Variants in PUDP observed in about 807,000 individuals in gnomAD.
PUDP encodes pseudouridine-5'-phosphatase.
A neutral mutation model predicts 9.4 loss-of-function variants in PUDP; 8 were observed. That is an observed-to-expected ratio of 0.85 (90% CI 0.50 to 1.53). PUDP has a LOEUF of 1.53. Among genes scored for constraint, PUDP ranks in the 40% most tolerant of loss-of-function variants. The pLI is 0.00. For synonymous variants in PUDP, 99 were observed against 80.7 expected (o/e 1.23, Z -1.22); for missense variants, 188 against 189.7 (o/e 0.99, Z 0.05).
chrX:6,896,237 C>T (rs1234357330), intron 3 of PUDP, among the ~76,000 whole-genome samples: 3 of 111,112 alleles, frequency 2.7e-5, no homozygotes, highest in Admixed American at 9.6e-5. Context: ...GAGTTGTTGT[C>T]GTTGATCTGC....
intron 3 of PUDP, among the ~76,000 whole-genome samples, chrX:6,959,505 T>C (rs745386524): frequency 4.4e-5 from 5 of 112,549 alleles, no homozygotes; most frequent in African/African-American, 6.4e-5. Context: ...TGTGCAGGCA[T>C]GGCTTCCGCC....
chrX:7,032,302 T>C (rs1325401382), intron 1 of PUDP, among the ~76,000 whole-genome samples: 8 of 112,021 alleles, frequency 7.1e-5, no homozygotes, highest in Admixed American at 9.5e-5. Context: ...GGTGAGAATA[T>C]AAAATGGCGC....
intron 1 of PUDP, among the ~76,000 whole-genome samples, chrX:7,017,297 C>T (rs1181715883): frequency 8.9e-6 from 1 of 111,883 alleles, no homozygotes; most frequent in African/African-American, 3.3e-5. Flanking sequence ...GGTGAGGGAA[C>T]CAGTGAATAA....
chrX:7,095,346 C>G (rs1365380620), intron 2 of PUDP, among the ~76,000 whole-genome samples: 2 of 112,351 alleles, frequency 1.8e-5, no homozygotes, highest in African/African-American at 6.5e-5. Context: ...CTGACACATA[C>G]CCCCACGAGT....
intron 3 of PUDP, among the ~76,000 whole-genome samples, chrX:6,790,001 T>C (rs887412894): frequency 1.8e-5 from 2 of 108,867 alleles, no homozygotes; most frequent in African/African-American, 6.7e-5. Flanking sequence ...AGTAGATAGA[T>C]CATAGAGATA....
intron 3 of PUDP, among the ~76,000 whole-genome samples, chrX:6,785,221 T>A (rs1192780686): frequency 8.9e-6 from 1 of 112,679 alleles, no homozygotes. Context: ...TGGCTTATAG[T>A]CACCACCAGC....
At chrX:7,119,533 T>C (rs1188377800) in intron 1 of PUDP, among the ~76,000 whole-genome samples, 1 of 112,568 alleles carries the variant, frequency 8.9e-6, no homozygotes. Flanking sequence ...ATTTAAGTAT[T>C]TGATATATCG....
chrX:6,797,780 A>T (rs1446646195), intron 3 of PUDP, among the ~76,000 whole-genome samples: 3 of 111,706 alleles, frequency 2.7e-5, no homozygotes, highest in Admixed American at 9.5e-5. Flanking sequence ...GAGAAAAGAA[A>T]TGTATGTTGT....
chrX:6,959,839 T>C (rs988906905), intron 3 of PUDP, among the ~76,000 whole-genome samples: 1 of 112,817 alleles, frequency 8.9e-6, no homozygotes, highest in African/African-American at 3.2e-5. Flanking sequence ...CAAGAAATAC[T>C]ATTCTGGAGC....
intron 1 of PUDP, among the ~76,000 whole-genome samples, chrX:7,117,330 G>A (rs1001316685): frequency 6.2e-5 from 7 of 112,138 alleles, no homozygotes. Flanking sequence ...GTGAAGTCCA[G>A]GCCAACAAGG....
intron 3 of PUDP, among the ~76,000 whole-genome samples, chrX:6,912,647 C>T (rs776958118): frequency 1.6e-4 from 18 of 112,061 alleles, no homozygotes; most frequent in Admixed American, 1.5e-3. Context: ...TAGTTTTGTC[C>T]TGTTCATTTT....
intron 3 of PUDP, among the ~76,000 whole-genome samples, chrX:6,887,959 C>A (rs1927454353): frequency 9.0e-6 from 1 of 111,525 alleles, no homozygotes. Flanking sequence ...AGAGACAGGG[C>A]AGACAGTCTC....
intron 1 of PUDP, among the ~76,000 whole-genome samples, chrX:6,713,996 G>A (rs149934315): frequency 0.011 from 1,225 of 110,839 alleles, 8 homozygotes; most frequent in Non-Finnish European, 0.015. Flanking sequence ...GTGCTCAAGC[G>A]ATCCTCTCAC....
At chrX:6,977,633 G>C in intron 2 of PUDP, among the ~76,000 whole-genome samples, 1 of 112,011 alleles carries the variant, frequency 8.9e-6, no homozygotes, top group Non-Finnish European at 1.9e-5. Flanking sequence ...GAGCATCCCA[G>C]GAGTCCCACC....
In PUDP at chrX:7,050,545, C is replaced by T. The variant is rs760095547; in HGVS notation, c.511-73G>A. ...ATGTGGATGAAGTGTTTATTATCGT[C>T]GTCACCATTGGCTCTGCAACTGTGC... On this transcript the variant is annotated intron_variant, in intron 3 of 3. Coordinates refer to ENST00000381077, the MANE Select transcript of PUDP (RefSeq NM_012080.5). 13 of 948,125 alleles carry T rather than the reference C, an allele frequency of 1.4e-5. No homozygotes were observed. The African/African-American group carries it at 2.3e-4, about 17-fold the overall frequency. The allele number at this position is 948,125 out of a possible 1,213,427, so 78.1% of individuals were successfully genotyped here. A position where few individuals can be genotyped will look rare whatever the true frequency, so the allele number is the denominator to read the frequency against.
intron 3 of PUDP, among the ~76,000 whole-genome samples, chrX:6,971,834 T>C (rs770689648): frequency 8.9e-6 from 1 of 112,192 alleles, no homozygotes; most frequent in Admixed American, 9.4e-5. Context: ...ATACTGATTC[T>C]TCCTATCCAT....
At chrX:7,064,501 T>C (rs984580736) in intron 3 of PUDP, among the ~76,000 whole-genome samples, 5 of 111,000 alleles carry the variant, frequency 4.5e-5, no homozygotes, top group Non-Finnish European at 9.5e-5. Context: ...AAGGGAAAGA[T>C]TGTCCCCCTC....
In PUDP at chrX:6,839,878, G is replaced by A. The variant is rs192497258; in HGVS notation, c.*248-133412C>T. Among the ~76,000 whole-genome samples, 3 of 96,749 alleles carry A rather than the reference G, an allele frequency of 3.1e-5. 1 individual carries two copies. In the East Asian group the frequency reaches 1.0e-3, roughly 32 times the overall value. 84.0% of individuals were successfully genotyped at this position (96,749 alleles called of 115,157 possible). On this transcript the variant is annotated intron_variant and NMD_transcript_variant, in intron 3 of 3. Coordinates refer to the PUDP transcript ENST00000655425. Reference sequence around the variant, plus strand: ...TGCACTCTTTGGTATTTACCCAAAGGAGTTAAAAATGTATGCCCCCCCCTC... The same window carrying A: ...TGCACTCTTTGGTATTTACCCAAAGAAGTTAAAAATGTATGCCCCCCCCTC...
At chrX:7,027,634 G>A (rs1226556244) in intron 1 of PUDP, among the ~76,000 whole-genome samples, 2 of 99,376 alleles carry the variant, frequency 2.0e-5, no homozygotes, top group Non-Finnish European at 4.0e-5. Flanking sequence ...ATATGTAAAG[G>A]AGAATACATA....
Sources: allele counts gnomAD v4.1 joint callset (sites outside exome capture counted in the v4.1 genomes callset), GRCh38; gene constraint gnomAD v4.1.1; transcripts MANE v1.5; gene names NCBI Gene and HGNC (gene_info 2026-07-23, HGNC 2026-07-21).